Variants in COPG2 observed in about 807,000 individuals in gnomAD.
The protein encoded by COPG2 is coatomer subunit gamma-2.
Under a neutral mutation model 46.3 loss-of-function variants are expected in COPG2, and 37 were observed. The ratio of observed to expected loss-of-function variants is 0.80; its 90% CI spans 0.61 to 1.05. The LOEUF is 1.05. COPG2 is among the 50% of genes least tolerant of loss of function. The pLI is 0.00. For synonymous variants in COPG2, 159 were observed against 129.7 expected, an observed-to-expected ratio of 1.23 and a Z score of -1.53; for missense variants, 427 against 387.8, an observed-to-expected ratio of 1.10 and a Z score of -0.85.
chr7:130,541,399 G>A (rs1195801919), intron 20 of COPG2, among the ~76,000 whole-genome samples: 1 of 151,976 alleles, frequency 6.6e-6, no homozygotes, highest in East Asian at 1.9e-4. Context: ...TTGAAGACAC[G>A]GGCCTTAAGG....
chr7:130,663,743 T>C (rs1418773818), intron 3 of COPG2, among the ~76,000 whole-genome samples: 1 of 137,040 alleles, frequency 7.3e-6, no homozygotes, highest in East Asian at 2.1e-4. Flanking sequence ...TTTTTTTTTT[T>C]TTTTTTTTTT....
At chr7:130,637,315 T>C (rs999282102) in intron 5 of COPG2, among the ~76,000 whole-genome samples, 4 of 152,170 alleles carry the variant, frequency 2.6e-5, no homozygotes, top group African/African-American at 9.7e-5. Context: ...TCCTGAAGAG[T>C]GTTTTCCAAC....
chr7:130,550,136 C>T (rs1793512742), intron 17 of COPG2, among the ~76,000 whole-genome samples: 1 of 152,024 alleles, frequency 6.6e-6, no homozygotes, highest in Non-Finnish European at 1.5e-5. Flanking sequence ...ATCGGCTGAG[C>T]ACGGTGGCTC....
chr7:130,613,382 G>T (rs751303382), intron 7 of COPG2, among the ~76,000 whole-genome samples, 162 bp downstream of exon 7: 1 of 151,976 alleles, frequency 6.6e-6, no homozygotes, highest in Admixed American at 6.5e-5. Flanking sequence ...TGAAGCCCTG[G>T]GGTGGGGACC....
chr7:130,520,881 G>A (rs1485082251), intron 20 of COPG2, among the ~76,000 whole-genome samples: 1 of 152,092 alleles, frequency 6.6e-6, no homozygotes, highest in Non-Finnish European at 1.5e-5. Flanking sequence ...ATTATAGTAG[G>A]AGACCATTTT....
intron 22 of COPG2, 99 bp downstream of exon 22, chr7:130,507,586 G>GTTTT: frequency 3.5e-6 from 2 of 578,096 alleles, no homozygotes; most frequent in African/African-American, 2.0e-5. Flanking sequence ...GATTTATGAA[G>GTTTT]TTTTTTTTTT....
intron 5 of COPG2, among the ~76,000 whole-genome samples, chr7:130,627,737 C>T (rs1349573843): frequency 6.8e-6 from 1 of 147,146 alleles, no homozygotes; most frequent in East Asian, 2.0e-4. Context: ...TAGTGGTTGG[C>T]CACTGCTTGC....
intron 9 of COPG2, among the ~76,000 whole-genome samples, chr7:130,609,635 G>C (rs1189855509): frequency 6.6e-6 from 1 of 152,060 alleles, no homozygotes; most frequent in Non-Finnish European, 1.5e-5. Context: ...CATTACACAA[G>C]TATTAGACTT....
chr7:130,593,475 T>C (rs1794469887), intron 9 of COPG2, among the ~76,000 whole-genome samples: 1 of 152,190 alleles, frequency 6.6e-6, no homozygotes, highest in African/African-American at 2.4e-5. Context: ...AAAATACTCT[T>C]ACAGAAAAGT....
intron 5 of COPG2, among the ~76,000 whole-genome samples, chr7:130,636,643 T>C (rs782469354): frequency 8.1e-5 from 12 of 148,532 alleles, no homozygotes; most frequent in Middle Eastern, 3.4e-3. Flanking sequence ...GTCTCCTGAA[T>C]ACAGTACACC....
intron 8 of COPG2, 90 bp downstream of exon 8, chr7:130,612,062 G>T: frequency 1.1e-6 from 1 of 895,116 alleles, no homozygotes; most frequent in Non-Finnish European, 1.8e-6. Flanking sequence ...TTTAGTTAAT[G>T]TTTATCTAGG....
chr7:130,656,274 A>C (rs1795851557), intron 4 of COPG2, among the ~76,000 whole-genome samples: 1 of 152,066 alleles, frequency 6.6e-6, no homozygotes, highest in Non-Finnish European at 1.5e-5. Flanking sequence ...AAAATCAATG[A>C]AACAGAAAGC....
chr7:130,667,584 A>T, intron 1 of COPG2, 50 bp from the exon 2 acceptor site: 2 of 1,450,738 alleles, frequency 1.4e-6, no homozygotes, highest in South Asian at 2.3e-5. Flanking sequence ...GTTCTACACA[A>T]ACTTATATAC....
intron 5 of COPG2, among the ~76,000 whole-genome samples, chr7:130,619,200 GC>G (rs1794998222): frequency 6.6e-6 from 1 of 152,120 alleles, no homozygotes; most frequent in Non-Finnish European, 1.5e-5. Context: ...GTAGCCACAA[GC>G]TAAATGTGTC....
intron 20 of COPG2, among the ~76,000 whole-genome samples, chr7:130,529,016 G>A (rs1799800269): frequency 6.6e-6 from 1 of 152,096 alleles, no homozygotes; most frequent in South Asian, 2.1e-4. Flanking sequence ...TGGAAAAGCT[G>A]GGCACCACAG....
Position 130,559,538 on chromosome 7 carries a change from C to G in COPG2, c.1128+1495G>C, listed in dbSNP as rs1793684656. ...GCCCAAAGACTGACTGACTATGTGT[C>G]CAGATCCCCAGCTAAACTTCACCAC... On this transcript the variant is annotated intron_variant, in intron 12 of 23. Coordinates refer to ENST00000425248, the MANE Select transcript of COPG2 (RefSeq NM_012133.6). Among the ~76,000 whole-genome samples the G allele has an allele frequency of 3.3e-5, 5 of 152,134 alleles. No individual in the cohort carries two copies. In the South Asian group the frequency reaches 8.3e-4, roughly 25 times the overall value.
chr7:130,606,331 A>T lies in COPG2; in HGVS notation c.737+4622T>A, dbSNP rs117312497. ...AAAGAAAGAGAAAAGAAAGAGAAAG[A>T]AGGAAGGAAGAAGGAAGGAAGGAAG... is the stretch of plus-strand genomic sequence containing the variant. On this transcript the variant is annotated intron_variant, in intron 9 of 23. Coordinates refer to ENST00000425248, the MANE Select transcript of COPG2 (RefSeq NM_012133.6). Among the ~76,000 whole-genome samples, 37 of 151,946 alleles carry T rather than the reference A, an allele frequency of 2.4e-4. No individual in the cohort carries two copies. The East Asian group carries it at 7.2e-3, about 29-fold the overall frequency.
chr7:130,643,367 T>G (rs1463892226), intron 5 of COPG2, among the ~76,000 whole-genome samples: 1 of 152,214 alleles, frequency 6.6e-6, no homozygotes, highest in Non-Finnish European at 1.5e-5. Flanking sequence ...AGACACATTT[T>G]AAAGTGATGA....
Position 130,577,858 on chromosome 7 carries a change from A to G in COPG2, c.738-13465T>C, listed in dbSNP as rs540918462. On this transcript the variant is annotated intron_variant, in intron 9 of 23. Transcript: ENST00000425248. The stretch of plus-strand genomic sequence containing the variant: ...GCTCGGAGGGTCCTACGCCCACGGA[A>G]TCTCGCTGATTGCTAGCACAGCAGT... Among the ~76,000 whole-genome samples the G allele has an allele frequency of 6.9e-3, 1,048 of 151,596 alleles. 7 individuals carry two copies. Among genetic ancestry groups the G allele is most frequent in the Middle Eastern group, 0.035 (10 of 286 alleles).
Sources: gnomAD v4.1 joint callset for allele counts (sites outside exome capture counted in the v4.1 genomes callset) on GRCh38, gnomAD v4.1.1 for gene constraint, MANE v1.5 for transcripts, NCBI Gene and HGNC (gene_info 2026-07-23, HGNC 2026-07-21) for gene names.